Variants in NFAT5 observed in about 807,000 individuals in gnomAD.
NFAT5 encodes nuclear factor of activated T cells 5, also known as nuclear factor of activated T-cells 5.
Under a neutral mutation model 166.5 loss-of-function variants are expected in NFAT5, and 31 were observed. That is an observed-to-expected ratio of 0.19 (90% CI 0.14 to 0.25). The LOEUF (loss-of-function observed/expected upper bound fraction) is 0.25. Among genes scored for constraint, NFAT5 ranks in the 10% least tolerant of loss-of-function variants. The probability of loss-of-function intolerance (pLI) is 1.00; values close to 1 mark genes in which losing one functional copy is unlikely to be tolerated. For synonymous variants in NFAT5, 612 were observed against 639.7 expected (o/e 0.96, Z 0.65); for missense variants, 1,449 against 1,821.8 (o/e 0.80, Z 3.72).
intron 7 of NFAT5, 133 bp from the exon 8 acceptor site, chr16:69,669,844 G>A (rs2036553367): frequency 1.4e-6 from 1 of 739,418 alleles, no homozygotes. Flanking sequence ...CCAGATAATT[G>A]TGTAACTATA....
chr16:69,622,902 T>C (rs2034267350), intron 2 of NFAT5, among the ~76,000 whole-genome samples: 1 of 151,526 alleles, frequency 6.6e-6, no homozygotes, highest in Non-Finnish European at 1.5e-5. Flanking sequence ...TCCCAGCACT[T>C]TGGGAGGCCG....
chr16:69,626,306 C>G (rs1027006766), intron 2 of NFAT5, 97 bp from the exon 3 acceptor site: 202 of 1,129,014 alleles, frequency 1.8e-4, no homozygotes, highest in Admixed American at 1.1e-4. Context: ...ATACAGTTCT[C>G]CTCATGAGAG....
chr16:69,579,367 T>C (rs2031518740), intron 2 of NFAT5, among the ~76,000 whole-genome samples: 1 of 152,150 alleles, frequency 6.6e-6, no homozygotes. Flanking sequence ...GCCTATAATA[T>C]TGGGTACAGG....
At chr16:69,622,832 GAA>G (rs11347776) in intron 2 of NFAT5, among the ~76,000 whole-genome samples, 23,810 of 144,276 alleles carry the variant, frequency 0.17, 2,081 homozygotes, top group East Asian at 0.37. Context: ...TTTTGTTTGG[GAA>G]AAAAAAAAAA....
At chr16:69,592,593 G>GT (rs533450536) in intron 2 of NFAT5, among the ~76,000 whole-genome samples, 223 of 152,148 alleles carry the variant, frequency 1.5e-3, no homozygotes, top group Admixed American at 3.5e-3. Context: ...AAGTGAAGCT[G>GT]TTTTTTTCCC....
chr16:69,673,639 C>T (rs2036713847), intron 9 of NFAT5, among the ~76,000 whole-genome samples: 1 of 152,034 alleles, frequency 6.6e-6, no homozygotes, highest in African/African-American at 2.4e-5. Flanking sequence ...CAGAGAATCA[C>T]TTGAGCCCAG....
intron 11 of NFAT5, among the ~76,000 whole-genome samples, chr16:69,688,216 A>AAAAAAAAAAAAAAAAAAAAAAAAC (rs2037402231): frequency 6.8e-6 from 1 of 147,230 alleles, no homozygotes; most frequent in Non-Finnish European, 1.5e-5. Flanking sequence ...AAAAAAAAAA[A>AAAAAAAAAAAAAAAAAAAAAAAAC]AAAAAAAAAA....
intron 3 of NFAT5, among the ~76,000 whole-genome samples, chr16:69,634,979 T>G: frequency 6.6e-6 from 1 of 151,944 alleles, no homozygotes; most frequent in East Asian, 1.9e-4. Flanking sequence ...TGAATAAACA[T>G]TGACCTCCTT....
At chr16:69,667,580 T>G (rs1311573335) in intron 7 of NFAT5, among the ~76,000 whole-genome samples, 1 of 152,026 alleles carries the variant, frequency 6.6e-6, no homozygotes, top group African/African-American at 2.4e-5. Context: ...TTCTAAACCT[T>G]GGGGCCTCAT....
chr16:69,694,205 G>A lies in NFAT5; in HGVS notation c.4380G>A (p.Gln1460=), dbSNP rs764030818. Residue 1460 remains glutamine (Q), a synonymous_variant, in exon 13 of 15, where the codon CAG becomes CAA. Transcript: ENST00000349945. ...QLQNSPGSSQ[Q]TSGMFLFGIQ... is the part of the protein sequence containing the mutation. Reference sequence around the variant, plus strand: ...AGAATTCTCCTGGCTCATCTCAGCAGACATCAGGAATGTTCTTATTTGGCA... The same window carrying A: ...AGAATTCTCCTGGCTCATCTCAGCAAACATCAGGAATGTTCTTATTTGGCA... 2 of 1,613,954 alleles carry A rather than the reference G, an allele frequency of 1.2e-6. No individual in the cohort carries two copies. Among genetic ancestry groups the A allele is most frequent in the East Asian group, 4.5e-5 (2 of 44,882 alleles).
At position 69,702,212 on chromosome 16, in the gene NFAT5, C is replaced by G. The variant is rs2037909704; in HGVS notation, c.*5861C>G. The G allele has an allele frequency of 6.6e-6, 1 of 152,632 alleles. No individual in the cohort carries two copies. The highest frequency in any genetic ancestry group is 1.5e-5 in the Non-Finnish European group (1 of 68,032). The allele number at this position is 152,632 out of a possible 1,614,324, so 9.5% of individuals were successfully genotyped here. A position where few individuals can be genotyped will look rare whatever the true frequency, so the allele number is the denominator to read the frequency against. On this transcript the variant is annotated 3_prime_UTR_variant, in exon 15 of 15. Transcript: ENST00000349945. ...CCAAGAATGCTGTATAGTGATGATT[C>G]CTTCCTAATGAATTCATCTTAACTA...
chr16:69,615,136 G>A (rs1355455387), intron 2 of NFAT5, among the ~76,000 whole-genome samples: 1 of 151,814 alleles, frequency 6.6e-6, no homozygotes. Flanking sequence ...CCTCCTCCTG[G>A]GTTCAAGAGA....
intron 5 of NFAT5, among the ~76,000 whole-genome samples, chr16:69,653,774 G>A (rs1217284345): frequency 6.6e-6 from 1 of 152,010 alleles, no homozygotes; most frequent in African/African-American, 2.4e-5. Flanking sequence ...GTTTCACCAT[G>A]TTGGCGAGAC....
rs1303278756 is a variant in NFAT5 at position 69,702,601 on chromosome 16, C to A, written c.*6250C>A. ...TGGGAACTAGTTAGAAATGTAAATT[C>A]TTTGGCCCCATCCCAGACATACTGA... On this transcript the variant is annotated 3_prime_UTR_variant, in exon 15 of 15. Coordinates refer to ENST00000349945, the MANE Select transcript of NFAT5 (RefSeq NM_138713.4). 3.3e-5 allele frequency: 5 copies of A among 152,252 alleles called. No homozygotes were observed. The South Asian group carries it at 6.2e-4, about 19-fold the overall frequency. The allele number at this position is 152,252 out of a possible 1,614,324, so 9.4% of individuals were successfully genotyped here.
chr16:69,605,100 T>G (rs2033335469), intron 2 of NFAT5, among the ~76,000 whole-genome samples: 2 of 152,184 alleles, frequency 1.3e-5, no homozygotes, highest in African/African-American at 4.8e-5. Flanking sequence ...TAAAGGAAAA[T>G]GGCCTTTATT....
Position 69,670,276 on chromosome 16 carries a change from A to G in NFAT5, c.1545A>G (p.Glu515=), listed in dbSNP as rs1405287120. ...SWKSEAEIDM[E]LFHQNHLIVK... is the part of the protein sequence containing the mutation. ...AGTCAGAAGCTGAAATTGATATGGA[A>G]CTATTTCATCAGGTAAAATTTAAGC... The change falls in exon 9 of 15, where the codon GAA becomes GAG. Residue 515 remains glutamate (E), a synonymous_variant. Coordinates refer to ENST00000349945, the MANE Select transcript of NFAT5 (RefSeq NM_138713.4). The G allele has an allele frequency of 7.6e-6, 12 of 1,577,956 alleles. No individual in the cohort carries two copies. In the African/African-American group the frequency reaches 8.5e-5, roughly 11 times the overall value.
intron 11 of NFAT5, among the ~76,000 whole-genome samples, chr16:69,687,024 G>A (rs1037646642): frequency 6.6e-6 from 1 of 152,132 alleles, no homozygotes; most frequent in African/African-American, 2.4e-5. Context: ...CATTTATAAT[G>A]TACTACTAAA....
chr16:69,596,229 C>A (rs1193781253), intron 2 of NFAT5, among the ~76,000 whole-genome samples: 1 of 152,112 alleles, frequency 6.6e-6, no homozygotes, highest in African/African-American at 2.4e-5. Flanking sequence ...TTATAAGAGA[C>A]TGGGCAGGCA....
chr16:69,671,787 T>C (rs1337116508), intron 9 of NFAT5, among the ~76,000 whole-genome samples: 6 of 152,290 alleles, frequency 3.9e-5, no homozygotes, highest in Middle Eastern at 6.8e-3. Context: ...CAGGAAGACA[T>C]TACCATCTTG....
Sources: gnomAD v4.1 joint callset for allele counts (sites outside exome capture counted in the v4.1 genomes callset) on GRCh38, gnomAD v4.1.1 for gene constraint, MANE v1.5 for transcripts, NCBI Gene and HGNC (gene_info 2026-07-23, HGNC 2026-07-21) for gene names.